HIVEP3: variants seen among roughly 807,000 people sequenced by gnomAD.
HIVEP3 encodes HIVEP zinc finger 3, also known as transcription factor HIVEP3.
HIVEP3 carries 49 observed loss-of-function variants against 152.8 expected under a neutral mutation model. That is an observed-to-expected ratio of 0.32 (90% CI 0.26 to 0.41). HIVEP3 has a LOEUF of 0.41. Ranked by LOEUF, HIVEP3 falls within the 10% of genes least tolerant of loss-of-function variation. The pLI is 1.00. For synonymous variants in HIVEP3, 1,269 were observed against 1,289.0 expected (o/e 0.98, Z 0.33); for missense variants, 2,790 against 3,103.3 (o/e 0.90, Z 2.40).
At chr1:41,514,671 G>A (rs1569669484) in intron 7 of HIVEP3, among the ~76,000 whole-genome samples, 1 of 152,274 alleles carries the variant, frequency 6.6e-6, no homozygotes, top group African/African-American at 2.4e-5. Context: ...CATAGTTTTC[G>A]ACCTACATGT....
intron 2 of HIVEP3, among the ~76,000 whole-genome samples, chr1:41,666,094 G>T (rs1645791742): frequency 6.6e-6 from 1 of 151,404 alleles, no homozygotes; most frequent in Non-Finnish European, 1.5e-5. Flanking sequence ...CAGATGCTTT[G>T]GTTGTTTTCC....
chr1:41,680,100 G>A (rs1646015879), intron 2 of HIVEP3, among the ~76,000 whole-genome samples: 1 of 152,182 alleles, frequency 6.6e-6, no homozygotes, highest in Non-Finnish European at 1.5e-5. Flanking sequence ...AGAGACACTG[G>A]CTCTCACACC....
chr1:41,772,774 G>A (rs1199465191), intron 1 of HIVEP3, among the ~76,000 whole-genome samples: 1 of 152,182 alleles, frequency 6.6e-6, no homozygotes, highest in Admixed American at 6.5e-5. Context: ...CCCGGGTGTG[G>A]TGGCAGGTGC....
Position 41,511,204 on chromosome 1 carries a change from T to G in HIVEP3, c.6468A>C (p.Arg2156=), listed in dbSNP as rs1359223662. The part of the protein sequence containing the change: ...SPGPAHPLSS[R]PFSALHDFHG... ...GGAAGTCATGGAGGGCGGAGAAGGGTCGGGAGGAGAGAGGATGAGCAGGGC... is the reference window on the plus strand; with the variant it reads ...GGAAGTCATGGAGGGCGGAGAAGGGGCGGGAGGAGAGAGGATGAGCAGGGC... The change falls in exon 9 of 9, where the codon CGA becomes CGC. Residue 2156 remains arginine, a synonymous_variant. Transcript: ENST00000372583. The surrounding 1 kb of genome is among the most constrained non-coding windows in gnomAD (Gnocchi z 4.9). 2 of 1,613,334 alleles carry G rather than the reference T, an allele frequency of 1.2e-6. No homozygotes were observed. The highest frequency in any genetic ancestry group is 2.7e-5 in the African/African-American group (2 of 74,866).
Position 41,948,605 on chromosome 1 carries a change from C to A in HIVEP3, n.120-30081G>T, listed in dbSNP as rs141730869. Among the ~76,000 whole-genome samples, 313 of 152,212 alleles carry A rather than the reference C, an allele frequency of 2.1e-3. 1 individual carries two copies. The highest frequency in any genetic ancestry group is 7.2e-3 in the African/African-American group (300 of 41,488). ...AGAAGGACCCCTAGTATGGGGTAAT[C>A]CCCTCCAGGAAACCAAGTCCCAGTA... On this transcript the variant is annotated intron_variant and non_coding_transcript_variant, in intron 1 of 3. Transcript: ENST00000489103.
Position 41,813,910 on chromosome 1 carries a change from C to T in HIVEP3, c.-801+104503G>A, listed in dbSNP as rs535910937. Among the ~76,000 whole-genome samples, 65 of 152,296 alleles carry T rather than the reference C, an allele frequency of 4.3e-4. 1 individual carries two copies. The highest frequency in any genetic ancestry group is 1.3e-3 in the African/African-American group (54 of 41,568). ...CTTCTTCCCCAACCATTCAGCACTGCGGCCTGGGCTTCCTCACCTACAGAT... is the reference window on the plus strand; with the variant it reads ...CTTCTTCCCCAACCATTCAGCACTGTGGCCTGGGCTTCCTCACCTACAGAT... On this transcript the variant is annotated intron_variant, in intron 1 of 8. Coordinates refer to ENST00000372583, the MANE Select transcript of HIVEP3 (RefSeq NM_024503.5).
At chr1:42,008,338 A>AT (rs1299503764) in intron 1 of HIVEP3, among the ~76,000 whole-genome samples, 1 of 152,126 alleles carries the variant, frequency 6.6e-6, no homozygotes, top group African/African-American at 2.4e-5. Flanking sequence ...ATGACTTTGT[A>AT]TTTTTCCCAG....
chr1:41,986,676 G>A (rs1292808849), intron 1 of HIVEP3, among the ~76,000 whole-genome samples: 2 of 152,040 alleles, frequency 1.3e-5, no homozygotes, highest in African/African-American at 2.4e-5. Flanking sequence ...TCCTGACCTC[G>A]TGATCCACCC....
At chr1:41,925,920 G>A (rs1196424942) in intron 1 of HIVEP3, among the ~76,000 whole-genome samples, 3 of 152,158 alleles carry the variant, frequency 2.0e-5, no homozygotes, top group Admixed American at 2.0e-4. Context: ...ACAGGTTCTA[G>A]CCAATGGGAT....
chr1:41,580,030 T>C lies in HIVEP3; in HGVS notation c.4768A>G (p.Lys1590Glu). 1 of 1,614,196 alleles carries C rather than the reference T, an allele frequency of 6.2e-7. No homozygotes were observed. The highest frequency in any genetic ancestry group is 1.6e-4 in the Middle Eastern group (1 of 6,062). The change falls in exon 4 of 9, where the codon AAG becomes GAG. Residue 1590 changes from lysine to glutamate, a missense_variant. By Grantham distance (56) the Lys-to-Glu change is moderately conservative (BLOSUM62 1). Coordinates refer to ENST00000372583, the MANE Select transcript of HIVEP3 (RefSeq NM_024503.5). ...PAKSQEGTDS[K>E]KVLQFPSLHT... ...AGGCTGGGGAACTGCAGTACCTTCT[T>C]TGAGTCCGTACCTTCTTGTGACTTG...
chr1:41,879,033 A>G (rs866268313), intron 1 of HIVEP3, among the ~76,000 whole-genome samples: 2 of 147,802 alleles, frequency 1.4e-5, no homozygotes, highest in Non-Finnish European at 3.0e-5. Flanking sequence ...TCCCAGATTT[A>G]TAATCCATGC....
rs188624830 is a variant in HIVEP3 at position 41,677,055 on chromosome 1, T to G, written c.-721+23861A>C. On this transcript the variant is annotated intron_variant, in intron 2 of 8. Transcript: ENST00000372583. Reference sequence around the variant, plus strand: ...AGATCAACACGAAAAGGAGTAAAGATGAAAAGAATGGGGAAAATAAGAGTC... The same window carrying G: ...AGATCAACACGAAAAGGAGTAAAGAGGAAAAGAATGGGGAAAATAAGAGTC... 2.6e-5 allele frequency among the ~76,000 whole-genome samples: 4 copies of G among 152,168 alleles called. No individual in the cohort carries two copies. The East Asian group carries it at 7.7e-4, about 29-fold the overall frequency.
intron 1 of HIVEP3, among the ~76,000 whole-genome samples, chr1:41,828,667 G>A (rs1642872089): frequency 1.3e-5 from 2 of 152,210 alleles, no homozygotes; most frequent in African/African-American, 4.8e-5. Flanking sequence ...ATCTGTAAGA[G>A]CTTCATTGTA....
chr1:41,553,076 C>G (rs534605750), intron 5 of HIVEP3, among the ~76,000 whole-genome samples: 5 of 152,310 alleles, frequency 3.3e-5, no homozygotes, highest in African/African-American at 1.2e-4. Flanking sequence ...TATTGTTGAT[C>G]TGTCTAGTAT....
intron 2 of HIVEP3, among the ~76,000 whole-genome samples, chr1:41,644,985 G>A (rs908983433): frequency 3.3e-5 from 5 of 152,104 alleles, no homozygotes; most frequent in Admixed American, 2.6e-4. Flanking sequence ...ACACTCTGAC[G>A]CATGGGTACC....
chr1:41,673,232 G>A (rs1271810637), intron 2 of HIVEP3, among the ~76,000 whole-genome samples: 1 of 152,212 alleles, frequency 6.6e-6, no homozygotes, highest in Non-Finnish European at 1.5e-5. Flanking sequence ...GAGCCAAACA[G>A]CTGGGTCAGG....
chr1:41,565,951 C>T lies in HIVEP3; in HGVS notation c.5207+9593G>A, dbSNP rs769228548. Among the ~76,000 whole-genome samples the T allele has an allele frequency of 3.3e-5, 5 of 152,302 alleles. No individual in the cohort carries two copies. The South Asian group carries it at 1.0e-3, about 32-fold the overall frequency. On this transcript the variant is annotated intron_variant, in intron 5 of 8. Coordinates refer to ENST00000372583, the MANE Select transcript of HIVEP3 (RefSeq NM_024503.5). ...CAATATGTCTTTTTTCTTTCCACTT[C>T]GCTTTTCACATTTTTTTTTAACCAT...
At chr1:41,941,678 G>A (rs1184261561) in intron 1 of HIVEP3, among the ~76,000 whole-genome samples, 3 of 152,144 alleles carry the variant, frequency 2.0e-5, no homozygotes, top group African/African-American at 7.2e-5. Flanking sequence ...CAGAGCACCC[G>A]GTTATGATCT....
At chr1:41,913,337 G>C (rs1205852445) in intron 1 of HIVEP3, among the ~76,000 whole-genome samples, 2 of 152,184 alleles carry the variant, frequency 1.3e-5, no homozygotes, top group Admixed American at 1.3e-4. Context: ...TTTTGATGGA[G>C]GAGGATTTCA....
Sources: gnomAD v4.1 joint callset for allele counts (sites outside exome capture counted in the v4.1 genomes callset) on GRCh38, gnomAD v4.1.1 for gene constraint, Gnocchi (gnomAD v3.1) non-coding constraint, MANE v1.5 for transcripts, NCBI Gene and HGNC (gene_info 2026-07-23, HGNC 2026-07-21) for gene names.